Variants in CDH18 observed in about 807,000 individuals in gnomAD.
CDH18 encodes cadherin 18.
A neutral mutation model predicts 67.9 loss-of-function variants in CDH18; 31 were observed. The observed-to-expected ratio is 0.46, with a 90% CI of 0.34 to 0.62. The LOEUF (loss-of-function observed/expected upper bound fraction) is 0.62. Ranked by LOEUF, CDH18 falls within the 20% of genes least tolerant of loss-of-function variation. The probability of loss-of-function intolerance (pLI) is 0.01; values close to 1 mark genes in which losing one functional copy is unlikely to be tolerated. For synonymous variants in CDH18, 362 were observed against 347.2 expected, an observed-to-expected ratio of 1.04 and a Z score of -0.48; for missense variants, 890 against 975.5, an observed-to-expected ratio of 0.91 and a Z score of 1.17.
chr5:20,025,830 C>G (rs1738848760), intron 2 of CDH18, among the ~76,000 whole-genome samples: 1 of 152,128 alleles, frequency 6.6e-6, no homozygotes. Flanking sequence ...AGCTAGTCAC[C>G]CAGCAAATTC....
intron 1 of CDH18, among the ~76,000 whole-genome samples, chr5:20,545,642 G>A (rs1329317863): frequency 1.3e-5 from 2 of 152,186 alleles, no homozygotes; most frequent in Non-Finnish European, 1.5e-5. Flanking sequence ...TAAGTCCCAA[G>A]GCTGCACAGA....
intron 2 of CDH18, among the ~76,000 whole-genome samples, chr5:19,960,727 ACG>A (rs1380680446): frequency 0.041 from 5,247 of 127,172 alleles, 853 homozygotes; most frequent in African/African-American, 0.19. Context: ...ACGTGTATAT[ACG>A]TATATACGTA....
intron 2 of CDH18, among the ~76,000 whole-genome samples, chr5:20,131,272 A>G (rs901186818): frequency 6.6e-6 from 1 of 152,140 alleles, no homozygotes; most frequent in Admixed American, 6.5e-5. Flanking sequence ...AGCAAAATAT[A>G]CTCAATGTAA....
At chr5:19,860,408 C>T (rs1192334105) in intron 2 of CDH18, among the ~76,000 whole-genome samples, 1 of 150,532 alleles carries the variant, frequency 6.6e-6, no homozygotes, top group Non-Finnish European at 1.5e-5. Flanking sequence ...CTTATTTTTT[C>T]TCATTGCCTT....
At chr5:20,279,699 CAAAAA>C (rs1189257278) in intron 1 of CDH18, among the ~76,000 whole-genome samples, 8 of 13,600 alleles carry the variant, frequency 5.9e-4, no homozygotes, top group Admixed American at 1.3e-3. Flanking sequence ...AGCTCTGTCT[CAAAAA>C]AAAAAAAAAA....
At chr5:20,112,273 C>T (rs1278751314) in intron 2 of CDH18, among the ~76,000 whole-genome samples, 5 of 152,166 alleles carry the variant, frequency 3.3e-5, no homozygotes, top group Admixed American at 2.0e-4. Flanking sequence ...ATAATCATCT[C>T]ATGCTTTACA....
At chr5:19,584,601 C>T (rs116052813) in intron 7 of CDH18, among the ~76,000 whole-genome samples, 187 of 151,634 alleles carry the variant, frequency 1.2e-3, no homozygotes, top group African/African-American at 4.2e-3. Context: ...CAAAAAATTA[C>T]GTGAATGCAA....
intron 2 of CDH18, chr5:19,886,421 AAC>A (rs1561507190): frequency 6.6e-6 from 1 of 152,172 alleles, no homozygotes; most frequent in East Asian, 1.9e-4. Context: ...AGAGGACAGA[AAC>A]AGAGACAAGA....
At chr5:20,157,791 A>G (rs1451727398) in intron 2 of CDH18, among the ~76,000 whole-genome samples, 1 of 151,808 alleles carries the variant, frequency 6.6e-6, no homozygotes, top group Non-Finnish European at 1.5e-5. Context: ...ACAGGCCCAC[A>G]CCACCACACC....
intron 2 of CDH18, among the ~76,000 whole-genome samples, chr5:19,964,549 T>C (rs1797235432): frequency 6.6e-6 from 1 of 150,484 alleles, no homozygotes; most frequent in African/African-American, 2.5e-5. Context: ...CTGAAGATGC[T>C]GAAGTGGGAG....
At chr5:20,185,305 C>T (rs1738005902) in intron 2 of CDH18, among the ~76,000 whole-genome samples, 1 of 152,048 alleles carries the variant, frequency 6.6e-6, no homozygotes. Context: ...CGGTAGCATC[C>T]TACGTGATCA....
intron 2 of CDH18, among the ~76,000 whole-genome samples, chr5:20,209,495 G>A (rs932660237): frequency 2.6e-5 from 4 of 152,002 alleles, no homozygotes; most frequent in Non-Finnish European, 5.9e-5. Flanking sequence ...AATAAGCTAA[G>A]CACAGAAAGA....
chr5:19,906,950 G>A (rs1165354154), intron 2 of CDH18, among the ~76,000 whole-genome samples: 1 of 151,746 alleles, frequency 6.6e-6, no homozygotes, highest in Non-Finnish European at 1.5e-5. Flanking sequence ...TCATTTTATA[G>A]GTAAATAGAG....
intron 5 of CDH18, among the ~76,000 whole-genome samples, chr5:19,715,626 A>G (rs1765250853): frequency 6.6e-6 from 1 of 152,162 alleles, no homozygotes; most frequent in Non-Finnish European, 1.5e-5. Context: ...ATTTCTAGAA[A>G]ATGTTTGGAA....
chr5:20,007,085 G>A (rs1371506366), intron 2 of CDH18, among the ~76,000 whole-genome samples: 2 of 151,762 alleles, frequency 1.3e-5, no homozygotes, highest in Non-Finnish European at 2.9e-5. Flanking sequence ...AGTAAGAGAA[G>A]TCATACTAAA....
At chr5:19,852,379 G>C (rs541697199) in intron 2 of CDH18, among the ~76,000 whole-genome samples, 37 of 152,078 alleles carry the variant, frequency 2.4e-4, no homozygotes, top group African/African-American at 8.9e-4. Context: ...AGTGTACTTA[G>C]TAATAATATT....
At chr5:20,001,459 C>T (rs1462932392) in intron 2 of CDH18, among the ~76,000 whole-genome samples, 1 of 151,682 alleles carries the variant, frequency 6.6e-6, no homozygotes, top group Non-Finnish European at 1.5e-5. Context: ...TTATTTTTAA[C>T]TCAGAAAAAA....
intron 2 of CDH18, among the ~76,000 whole-genome samples, chr5:20,186,138 A>G (rs1265396979): frequency 6.6e-6 from 1 of 152,074 alleles, no homozygotes; most frequent in African/African-American, 2.4e-5. Context: ...TAAAGCATAA[A>G]CAAAATTTAA....
At chr5:19,506,259 G>C (rs1284340772) in intron 10 of CDH18, among the ~76,000 whole-genome samples, 1 of 152,084 alleles carries the variant, frequency 6.6e-6, no homozygotes, top group East Asian at 1.9e-4. Context: ...AAATAAAATA[G>C]GATACAAACA....
Sources: allele counts gnomAD v4.1 joint callset (sites outside exome capture counted in the v4.1 genomes callset), GRCh38; gene constraint gnomAD v4.1.1; transcripts MANE v1.5; gene names NCBI Gene and HGNC (gene_info 2026-07-23, HGNC 2026-07-21).